Variants in BCAS3 observed in about 807,000 individuals in gnomAD.
The protein encoded by BCAS3 is BCAS4/BCAS3 fusion.
BCAS3 carries 53 observed loss-of-function variants against 116.1 expected under a neutral mutation model. The ratio of observed to expected loss-of-function variants is 0.46; its 90% CI spans 0.37 to 0.57. The LOEUF (loss-of-function observed/expected upper bound fraction) is 0.57. Among genes scored for constraint, BCAS3 ranks in the 20% least tolerant of loss-of-function variants. The pLI, the probability that BCAS3 is intolerant of heterozygous loss-of-function variation, is 0.00. For synonymous variants in BCAS3, 391 were observed against 408.2 expected (o/e 0.96, Z 0.51); for missense variants, 917 against 1,165.4 (o/e 0.79, Z 3.10).
chr17:60,867,237 T>G lies in BCAS3; in HGVS notation c.477-1339T>G, dbSNP rs150715265. Among the ~76,000 whole-genome samples the G allele has an allele frequency of 4.6e-5, 7 of 151,902 alleles. No homozygotes were observed. In the East Asian group the frequency reaches 1.4e-3, roughly 29 times the overall value. ...TTTCCTGCTTCAGCCTCTCAAGTAG[T>G]TGGGATTACAGGTGCTTGACACCAT... On this transcript the variant is annotated intron_variant, in intron 7 of 23. Transcript: ENST00000407086.
intron 14 of BCAS3, among the ~76,000 whole-genome samples, chr17:60,973,748 C>T (rs1387783801): frequency 1.3e-5 from 2 of 151,822 alleles, no homozygotes; most frequent in Non-Finnish European, 2.9e-5. Context: ...GCATGCACCA[C>T]ACCCGGCTAA....
rs1180476563 is a variant in BCAS3, at chr17:61,354,428, C to T, written c.2426-13899C>T. 1 of 152,270 alleles carries T rather than the reference C, an allele frequency of 6.6e-6. No homozygotes were observed. Among genetic ancestry groups the T allele is most frequent in the Non-Finnish European group, 1.5e-5 (1 of 68,084 alleles). The allele number at this position is 152,270 out of a possible 1,614,324, so 9.4% of individuals were successfully genotyped here. ...TCACACTCACGCTCAGCCCATCACC[C>T]CTCTGTGCAAGGTGCAAGGTCCTCT... On this transcript the variant is annotated intron_variant, in intron 22 of 23. Coordinates refer to ENST00000407086, the MANE Select transcript of BCAS3 (RefSeq NM_017679.5). This position sits in a 1 kb window ranked among gnomAD's most constrained non-coding sequence, Gnocchi z 4.5.
At position 61,056,444 on chromosome 17, in the gene BCAS3, TAA is replaced by T. The variant is rs1460320420; in HGVS notation, c.2029+15553_2029+15554del. ...TTTTGCAAGTCATATGAAGAAACGT[TAA>T]GAGGCAAATTAAAATTTTAACTTAT... On this transcript the variant is annotated intron_variant, in intron 19 of 23. Coordinates refer to ENST00000407086, the MANE Select transcript of BCAS3 (RefSeq NM_017679.5). The surrounding 1 kb of genome is among the most constrained non-coding windows in gnomAD (Gnocchi z 4.9). 3.3e-5 allele frequency among the ~76,000 whole-genome samples: 5 copies of T among 152,162 alleles called. No homozygotes were observed. Among genetic ancestry groups the T allele is most frequent in the African/African-American group, 9.7e-5 (4 of 41,448 alleles).
At position 61,023,520 on chromosome 17, in the gene BCAS3, G is replaced by GC. The variant is rs2066016368; in HGVS notation, c.1637+7619_1637+7620insC. Among the ~76,000 whole-genome samples, 4 of 152,092 alleles carry GC rather than the reference G, an allele frequency of 2.6e-5. No homozygotes were observed. In the South Asian group the frequency reaches 8.3e-4, roughly 32 times the overall value. Reference sequence around the variant, plus strand: ...TTAGCACTAGAGTCAGATTATAGAGGATTGGAGGATTTCAAATCAAATCTA... The same window carrying GC: ...TTAGCACTAGAGTCAGATTATAGAGGCATTGGAGGATTTCAAATCAAATCTA... On this transcript the variant is annotated intron_variant, in intron 16 of 23. Coordinates refer to ENST00000407086, the MANE Select transcript of BCAS3 (RefSeq NM_017679.5). This position sits in a 1 kb window ranked among gnomAD's most constrained non-coding sequence, Gnocchi z 4.8.
rs1462824517 is a variant in BCAS3, at chr17:61,339,176, C to T, written c.2426-29151C>T. ...AAACTGACGATTGGCAGTCATCTTC[C>T]CAGCTCTCGGCTTCAACCCTGATTC... On this transcript the variant is annotated intron_variant, in intron 22 of 23. Coordinates refer to ENST00000407086, the MANE Select transcript of BCAS3 (RefSeq NM_017679.5). This position sits in a 1 kb window ranked among gnomAD's most constrained non-coding sequence, Gnocchi z 4.4. 6.6e-6 allele frequency among the ~76,000 whole-genome samples: 1 copy of T among 152,144 alleles called. No individual in the cohort carries two copies. The highest frequency in any genetic ancestry group is 2.4e-5 in the African/African-American group (1 of 41,424).
chr17:61,376,096 A>G lies in BCAS3; in HGVS notation c.2593+7602A>G, dbSNP rs369504417. Among the ~76,000 whole-genome samples the G allele has an allele frequency of 1.3e-5, 2 of 152,170 alleles. No homozygotes were observed. Among genetic ancestry groups the G allele is most frequent in the Non-Finnish European group, 2.9e-5 (2 of 68,028 alleles). ...CCCTAGGGGTAGATAGATGCATCCT[A>G]CTGGCCCAACTCATTGCAAGGCCAT... On this transcript the variant is annotated intron_variant, in intron 23 of 23. Transcript: ENST00000407086. This position sits in a 1 kb window ranked among gnomAD's most constrained non-coding sequence, Gnocchi z 4.5.
chr17:60,772,065 A>G (rs2044768449), intron 6 of BCAS3, among the ~76,000 whole-genome samples: 1 of 152,208 alleles, frequency 6.6e-6, no homozygotes, highest in Non-Finnish European at 1.5e-5. Context: ...CTTTGGGTAT[A>G]TACCCAGTAA....
chr17:60,786,547 G>GTGTATATATATA (rs575616960), intron 6 of BCAS3, among the ~76,000 whole-genome samples: 1 of 140,756 alleles, frequency 7.1e-6, no homozygotes, highest in East Asian at 2.1e-4. Flanking sequence ...CTGCAAATGT[G>GTGTATATATATA]TATATATATA....
intron 20 of BCAS3, among the ~76,000 whole-genome samples, chr17:61,076,938 G>A (rs1389836804): frequency 6.6e-6 from 1 of 152,108 alleles, no homozygotes; most frequent in Non-Finnish European, 1.5e-5. Flanking sequence ...GCTACACTCT[G>A]TGAACCTTTT....
Position 61,249,258 on chromosome 17 carries a change from G to C in BCAS3, c.2426-119069G>C, listed in dbSNP as rs995602856. ...GCCGAGATCACACCACTGCACTCCA[G>C]CCTGGGCAACAAGAGTGAAACTCCA... On this transcript the variant is annotated intron_variant, in intron 22 of 23. Coordinates refer to ENST00000407086, the MANE Select transcript of BCAS3 (RefSeq NM_017679.5). The surrounding 1 kb of genome is among the most constrained non-coding windows in gnomAD (Gnocchi z 6.2). Among the ~76,000 whole-genome samples, 3 of 152,168 alleles carry C rather than the reference G, an allele frequency of 2.0e-5. No individual in the cohort carries two copies. The East Asian group carries it at 5.8e-4, about 29-fold the overall frequency.
chr17:60,816,524 C>T (rs748523651), intron 7 of BCAS3, among the ~76,000 whole-genome samples: 18 of 152,086 alleles, frequency 1.2e-4, no homozygotes, highest in African/African-American at 3.4e-4. Context: ...CCGCCCGCCT[C>T]GGCCCCCCAA....
chr17:60,761,815 T>C (rs536378180), intron 6 of BCAS3, among the ~76,000 whole-genome samples: 9,340 of 110,656 alleles, frequency 0.084, 1,451 homozygotes, highest in African/African-American at 0.39. Context: ...AGTTTATGCT[T>C]CCACCAACAG....
chr17:61,057,994 A>C (rs1195703550), intron 19 of BCAS3, among the ~76,000 whole-genome samples: 1 of 152,054 alleles, frequency 6.6e-6, no homozygotes, highest in East Asian at 1.9e-4. Flanking sequence ...GCTGATTATG[A>C]AGCTAACATA....
chr17:61,195,388 C>T (rs903422537), intron 22 of BCAS3, among the ~76,000 whole-genome samples: 1 of 152,180 alleles, frequency 6.6e-6, no homozygotes, highest in African/African-American at 2.4e-5. Context: ...CAGACAAGGT[C>T]TCATTCTGTT....
chr17:61,178,682 G>T (rs1006629800), intron 22 of BCAS3, among the ~76,000 whole-genome samples: 2 of 152,132 alleles, frequency 1.3e-5, no homozygotes, highest in African/African-American at 2.4e-5. Flanking sequence ...GTTCAGCTGG[G>T]TAATTGACAT....
At chr17:60,783,910 A>G (rs2046045655) in intron 6 of BCAS3, among the ~76,000 whole-genome samples, 1 of 152,104 alleles carries the variant, frequency 6.6e-6, no homozygotes, top group South Asian at 2.1e-4. Context: ...GGAGTTCTTT[A>G]TGGGCAGCTG....
chr17:60,946,315 A>C (rs1230331704), intron 13 of BCAS3, among the ~76,000 whole-genome samples: 1 of 152,226 alleles, frequency 6.6e-6, no homozygotes, highest in Non-Finnish European at 1.5e-5. Context: ...CACCTTATAC[A>C]AATATTAAAA....
chr17:60,825,056 C>T (rs2050264755), intron 7 of BCAS3, among the ~76,000 whole-genome samples: 2 of 151,418 alleles, frequency 1.3e-5, no homozygotes, highest in African/African-American at 4.9e-5. Context: ...GTCCTAGCTA[C>T]GTGGGAGGCT....
chr17:61,392,089 C>G lies in BCAS3; in HGVS notation c.2706C>G (p.Ser902Arg). The G allele has an allele frequency of 6.2e-7, 1 of 1,613,802 alleles. No individual in the cohort carries two copies. The change falls in exon 24 of 24, where the codon AGC becomes AGG. Residue 902 changes from serine (S) to arginine (R), a missense_variant. By Grantham distance (110) the Ser-to-Arg change is moderately radical. Around this residue, in one of 3 missense-constraint regions of BCAS3, gnomAD observed 109 missense variants for 122.8 expected, o/e 0.89. Transcript: ENST00000407086. This position sits in a 1 kb window ranked among gnomAD's most constrained non-coding sequence, Gnocchi z 6.4. The part of the protein sequence containing the change: ...GYRSPLPTNE[S>R]QPLSLFPTGF... ...GATCTCCGCTGCCCACCAATGAGAGCCAGCCCCTCAGCCTCTTCCCGACTG... is the reference window on the plus strand; with the variant it reads ...GATCTCCGCTGCCCACCAATGAGAGGCAGCCCCTCAGCCTCTTCCCGACTG...
Sources: allele counts gnomAD v4.1 joint callset (sites outside exome capture counted in the v4.1 genomes callset), GRCh38; gene constraint gnomAD v4.1.1; regional missense constraint gnomAD v4.1.1; non-coding constraint Gnocchi (gnomAD v3.1); transcripts MANE v1.5; gene names NCBI Gene and HGNC (gene_info 2026-07-23, HGNC 2026-07-21).